The following SMCHD1 variants were observed in gnomAD, a reference collection of about 807,000 sequenced individuals.
SMCHD1 encodes the protein structural maintenance of chromosomes flexible hinge domain containing 1, also known as structural maintenance of chromosomes flexible hinge domain-containing protein 1.
Under a neutral mutation model 254.7 loss-of-function variants are expected in SMCHD1, and 78 were observed. The ratio of observed to expected loss-of-function variants is 0.31; its 90% confidence interval spans 0.26 to 0.37. The LOEUF (loss-of-function observed/expected upper bound fraction) is 0.37, where lower values mean the gene tolerates loss of function less well. Among genes scored for constraint, SMCHD1 ranks in the 10% least tolerant of loss-of-function variants. SMCHD1 has a pLI of 1.00. For synonymous variants in SMCHD1, 766 were observed against 794.9 expected (o/e 0.96, Z 0.61); for missense variants, 1,840 against 2,408.1 (o/e 0.76, Z 4.94).
chr18:2,772,606 G>A (rs1459069730), intron 41 of SMCHD1, among the ~76,000 whole-genome samples: 1 of 152,228 alleles, frequency 6.6e-6, no homozygotes, highest in African/African-American at 2.4e-5. Flanking sequence ...TTCAAGGCTT[G>A]TTGTTTACTT....
In SMCHD1 at chr18:2,799,923, C is replaced by G. The variant is rs1022684726; in HGVS notation, c.5994-2605C>G. 5.3e-5 allele frequency among the ~76,000 whole-genome samples: 8 copies of G among 152,170 alleles called. No homozygotes were observed. The South Asian group carries it at 1.2e-3, about 24-fold the overall frequency. Reference sequence around the variant, plus strand: ...TTTATTGGATTCCATGTCTTTCTCTCTCTTATAAATTCCTTAGAAAAAATG... The same window carrying G: ...TTTATTGGATTCCATGTCTTTCTCTGTCTTATAAATTCCTTAGAAAAAATG... On this transcript the variant is annotated intron_variant, in intron 47 of 47. Coordinates refer to ENST00000320876, the MANE Select transcript of SMCHD1 (RefSeq NM_015295.3).
rs1167921048 is a variant in SMCHD1, at chr18:2,689,852, TAAAAA to T, written c.873+1126_873+1130del. ...GTAACATAGGAGACCTTGTCTCTAC[TAAAAA>T]AAAAAAAAAAAAAAAAAAAAGCCGG... On this transcript the variant is annotated intron_variant, in intron 7 of 47. Transcript: ENST00000320876. Among the ~76,000 whole-genome samples, 39 of 72,516 alleles carry T rather than the reference TAAAAA, an allele frequency of 5.4e-4. No individual in the cohort carries two copies. The South Asian group carries it at 6.6e-3, about 12-fold the overall frequency. 47.6% of individuals were successfully genotyped at this position (72,516 alleles called of 152,430 possible).
At chr18:2,702,414 GTA>G (rs1344040752) in intron 12 of SMCHD1, 1 of 151,480 alleles carries the variant, frequency 6.6e-6, no homozygotes, top group Non-Finnish European at 1.5e-5. Flanking sequence ...CTTCTGAATT[GTA>G]CTTTGACTGT....
At position 2,803,749 on chromosome 18, in the gene SMCHD1, T is replaced by C. The variant is rs1299592674; in HGVS notation, c.*1197T>C. On this transcript the variant is annotated 3_prime_UTR_variant, in exon 48 of 48. Transcript: ENST00000320876. Reference sequence around the variant, plus strand: ...GTTTGTTGTTACAGAAGAAACAAAATGGTAATTACAGAATTAGCTGTGGGG... The same window carrying C: ...GTTTGTTGTTACAGAAGAAACAAAACGGTAATTACAGAATTAGCTGTGGGG... 6.6e-6 allele frequency: 1 copy of C among 152,188 alleles called. No homozygotes were observed. The highest frequency in any genetic ancestry group is 1.5e-5 in the Non-Finnish European group (1 of 68,026). 9.4% of individuals were successfully genotyped at this position (152,188 alleles called of 1,614,324 possible).
At chr18:2,773,854 C>T (rs573192690) in intron 41 of SMCHD1, among the ~76,000 whole-genome samples, 1 of 152,086 alleles carries the variant, frequency 6.6e-6, no homozygotes, top group Admixed American at 6.6e-5. Context: ...ACCTGGGAAG[C>T]GGAGGTTGCA....
intron 25 of SMCHD1, among the ~76,000 whole-genome samples, chr18:2,734,542 A>G (rs2075208106): frequency 6.6e-6 from 1 of 152,150 alleles, no homozygotes; most frequent in African/African-American, 2.4e-5. Context: ...CCAAGATACA[A>G]GGAAGTCAGC....
intron 20 of SMCHD1, 84 bp downstream of exon 20, chr18:2,722,747 T>G: frequency 8.1e-7 from 1 of 1,231,100 alleles, no homozygotes; most frequent in South Asian, 1.8e-5. Flanking sequence ...TTTTTGTGTG[T>G]AAGGTGTTCA....
At chr18:2,688,784 C>G in intron 7 of SMCHD1, 37 bp downstream of exon 7, 1 of 1,186,920 alleles carries the variant, frequency 8.4e-7, no homozygotes, top group Non-Finnish European at 1.2e-6. Context: ...TAAATTTACT[C>G]CTTTGGATAG....
rs377354611 is a variant in SMCHD1, at chr18:2,711,663, T to C, written c.2260+3743T>C. Among the ~76,000 whole-genome samples the C allele has an allele frequency of 4.4e-3, 660 of 151,500 alleles. 4 individuals carry two copies. Among genetic ancestry groups the C allele is most frequent in the African/African-American group, 0.016 (643 of 41,338 alleles). ...ACGCCCGGCTAATTTTTTGTATTTT[T>C]AGTAGAGACGGGGTTTCACCGTTTT... On this transcript the variant is annotated intron_variant, in intron 17 of 47. Coordinates refer to ENST00000320876, the MANE Select transcript of SMCHD1 (RefSeq NM_015295.3).
chr18:2,707,020 A>G (rs543716378), intron 15 of SMCHD1, among the ~76,000 whole-genome samples: 1 of 152,318 alleles, frequency 6.6e-6, no homozygotes, highest in Non-Finnish European at 1.5e-5. Flanking sequence ...AGCTCTCGTG[A>G]GAACTCACTA....
chr18:2,672,259 C>A (rs140389080), intron 3 of SMCHD1, among the ~76,000 whole-genome samples: 1 of 152,110 alleles, frequency 6.6e-6, no homozygotes, highest in Non-Finnish European at 1.5e-5. Flanking sequence ...TAGAGTCTCG[C>A]TCTGTTGCCC....
At chr18:2,744,325 A>G (rs989717553) in intron 29 of SMCHD1, among the ~76,000 whole-genome samples, 59 of 152,166 alleles carry the variant, frequency 3.9e-4, no homozygotes, top group African/African-American at 1.4e-3. Flanking sequence ...TAAAAAGCAT[A>G]TCTCAGACAT....
intron 8 of SMCHD1, among the ~76,000 whole-genome samples, chr18:2,695,606 G>T (rs190507932): frequency 6.6e-6 from 1 of 151,958 alleles, no homozygotes; most frequent in East Asian, 1.9e-4. Flanking sequence ...CATCGCGCCC[G>T]GCCTAAAATT....
intron 1 of SMCHD1, among the ~76,000 whole-genome samples, chr18:2,659,694 G>A (rs1025193255): frequency 5.3e-5 from 8 of 150,622 alleles, no homozygotes; most frequent in Non-Finnish European, 1.5e-5. Flanking sequence ...TTGTTGTGCG[G>A]CTATTCTAGG....
rs1020740083 is a variant in SMCHD1 at position 2,718,860 on chromosome 18, A to G, written c.2458+426A>G. Among the ~76,000 whole-genome samples, 1 of 151,890 alleles carries G rather than the reference A, an allele frequency of 6.6e-6. No homozygotes were observed. Among genetic ancestry groups the G allele is most frequent in the Admixed American group, 6.6e-5 (1 of 15,226 alleles). On this transcript the variant is annotated intron_variant, in intron 19 of 47. Transcript: ENST00000320876. The surrounding 1 kb of genome is among the most constrained non-coding windows in gnomAD (Gnocchi z 4.6). ...GAGCCACCGTGCCCGGCCCATTTTG[A>G]TTTTCAAATAGCTTTGTAAGTCTAC...
chr18:2,668,004 C>T (rs141040624), intron 3 of SMCHD1, among the ~76,000 whole-genome samples: 8 of 152,144 alleles, frequency 5.3e-5, no homozygotes, highest in South Asian at 2.1e-4. Context: ...CTCTGCCTCC[C>T]GAGTAGTTGG....
chr18:2,676,692 T>C (rs1050225713), intron 5 of SMCHD1, among the ~76,000 whole-genome samples: 1 of 152,194 alleles, frequency 6.6e-6, no homozygotes, highest in Non-Finnish European at 1.5e-5. Flanking sequence ...ATAGACAAGA[T>C]GAAAGAACTA....
At chr18:2,661,314 C>A (rs775158567) in intron 1 of SMCHD1, among the ~76,000 whole-genome samples, 2 of 149,942 alleles carry the variant, frequency 1.3e-5, no homozygotes, top group Non-Finnish European at 2.9e-5. Flanking sequence ...CCTGCATGTT[C>A]TGCACATGTA....
chr18:2,740,184 T>G (rs1243268771), intron 27 of SMCHD1, among the ~76,000 whole-genome samples: 2 of 152,036 alleles, frequency 1.3e-5, no homozygotes, highest in Admixed American at 1.3e-4. Context: ...ACATGTGGTG[T>G]TTGGTTTTCT....
Sources: gnomAD v4.1 joint callset for allele counts (sites outside exome capture counted in the v4.1 genomes callset) on GRCh38, gnomAD v4.1.1 for gene constraint, Gnocchi (gnomAD v3.1) non-coding constraint, MANE v1.5 for transcripts, NCBI Gene and HGNC (gene_info 2026-07-23, HGNC 2026-07-21) for gene names.